The following TMEM132D variants were observed in gnomAD, a reference collection of about 807,000 sequenced individuals.
TMEM132D encodes the protein transmembrane protein 132D.
A neutral mutation model predicts 62.3 loss-of-function variants in TMEM132D; 21 were observed. The ratio of observed to expected loss-of-function variants is 0.34; its 90% confidence interval spans 0.24 to 0.49. The LOEUF is 0.49. Among genes scored for constraint, TMEM132D ranks in the 20% least tolerant of loss-of-function variants. The pLI, the probability that TMEM132D is intolerant of heterozygous loss-of-function variation, is 0.99. For synonymous variants in TMEM132D, 621 were observed against 575.6 expected (o/e 1.08, Z -1.13); for missense variants, 1,346 against 1,402.8 (o/e 0.96, Z 0.65).
In TMEM132D at chr12:129,074,324, G is replaced by T. The variant is rs1204676224; in HGVS notation, c.2851C>A (p.Pro951Thr). Reference protein sequence around the residue: ...FALKYRHKQVPFEEQEGMSHS... With the variant: ...FALKYRHKQVTFEEQEGMSHS... ...CTCATCCCTTCCTGCTCCTCGAAGGGAACCTGTTTGTGTCTGTATTTTAAT... is the reference window on the plus strand; with the variant it reads ...CTCATCCCTTCCTGCTCCTCGAAGGTAACCTGTTTGTGTCTGTATTTTAAT... Residue 951 changes from proline to threonine, a missense_variant, in exon 9 of 9, where the codon CCC becomes ACC. Pro to Thr is a conservative substitution (Grantham distance 38, BLOSUM62 -1). Coordinates refer to ENST00000422113, the MANE Select transcript of TMEM132D (RefSeq NM_133448.3). 6.2e-7 allele frequency: 1 copy of T among 1,614,046 alleles called. No individual in the cohort carries two copies. Among genetic ancestry groups the T allele is most frequent in the Non-Finnish European group, 8.5e-7 (1 of 1,180,030 alleles).
chr12:129,384,243 T>C (rs1871040303), intron 3 of TMEM132D, among the ~76,000 whole-genome samples: 1 of 152,144 alleles, frequency 6.6e-6, no homozygotes, highest in South Asian at 2.1e-4. Context: ...TATTGAAACT[T>C]TAACAGTGAC....
chr12:129,155,352 C>A (rs1314020357), intron 5 of TMEM132D, among the ~76,000 whole-genome samples: 2 of 152,206 alleles, frequency 1.3e-5, no homozygotes, highest in African/African-American at 4.8e-5. Flanking sequence ...TTACCTTTAA[C>A]CACAATGTTA....
intron 1 of TMEM132D, among the ~76,000 whole-genome samples, chr12:129,893,361 G>T (rs1416273757): frequency 1.3e-5 from 2 of 152,102 alleles, no homozygotes; most frequent in African/African-American, 4.8e-5. Context: ...TAAAAATCAG[G>T]ATTATGATTT....
At chr12:129,499,734 G>A (rs900279617) in intron 3 of TMEM132D, among the ~76,000 whole-genome samples, 1 of 152,190 alleles carries the variant, frequency 6.6e-6, no homozygotes, top group Non-Finnish European at 1.5e-5. Context: ...GGGTCTTTAG[G>A]TTAAATATGA....
chr12:129,585,691 T>C (rs189366151), intron 2 of TMEM132D, among the ~76,000 whole-genome samples: 3 of 152,260 alleles, frequency 2.0e-5, no homozygotes, highest in Admixed American at 2.0e-4. Context: ...TCAAAGGGAT[T>C]TCAAATTGGC....
intron 5 of TMEM132D, among the ~76,000 whole-genome samples, chr12:129,121,127 G>T (rs1050477245): frequency 6.6e-6 from 1 of 151,656 alleles, no homozygotes; most frequent in Non-Finnish European, 1.5e-5. Flanking sequence ...GCAGAGTCTT[G>T]GTCTGTGGCC....
intron 2 of TMEM132D, among the ~76,000 whole-genome samples, chr12:129,655,771 C>T (rs971587973): frequency 6.6e-6 from 1 of 152,182 alleles, no homozygotes; most frequent in African/African-American, 2.4e-5. Context: ...ATAGCATCAT[C>T]TTAAAAGAGC....
chr12:129,083,851 G>A (rs534625018), intron 6 of TMEM132D, among the ~76,000 whole-genome samples: 2 of 152,312 alleles, frequency 1.3e-5, no homozygotes, highest in East Asian at 3.9e-4. Flanking sequence ...GTACTCATGT[G>A]GTTGCCTGAC....
At position 129,120,746 on chromosome 12, in the gene TMEM132D, A is replaced by T. The variant is rs576123246; in HGVS notation, c.1444-36044T>A. Among the ~76,000 whole-genome samples the T allele has an allele frequency of 2.6e-5, 4 of 152,318 alleles. No homozygotes were observed. The East Asian group carries it at 7.7e-4, about 29-fold the overall frequency. ...CATGATTGTTACATAAATTGTCAAC[A>T]TTAGGAAGATTGAGGTGAAAGGTAC... On this transcript the variant is annotated intron_variant, in intron 5 of 8. Transcript: ENST00000422113.
chr12:129,304,820 T>C (rs1354384495), intron 4 of TMEM132D, among the ~76,000 whole-genome samples: 2 of 152,080 alleles, frequency 1.3e-5, no homozygotes, highest in Non-Finnish European at 2.9e-5. Flanking sequence ...TGCGCCACTA[T>C]GCCCAGCTAA....
chr12:129,633,470 G>A (rs530586111), intron 2 of TMEM132D, among the ~76,000 whole-genome samples: 2 of 152,260 alleles, frequency 1.3e-5, no homozygotes, highest in Admixed American at 6.5e-5. Context: ...AAATTCCCCA[G>A]GAAATTGAGC....
At chr12:129,829,344 C>T (rs1414067286) in intron 1 of TMEM132D, among the ~76,000 whole-genome samples, 1 of 152,152 alleles carries the variant, frequency 6.6e-6, no homozygotes, top group Non-Finnish European at 1.5e-5. Context: ...CTTCCTCTTC[C>T]TCTTCCCGGG....
chr12:129,289,748 C>T (rs981558276), intron 4 of TMEM132D, among the ~76,000 whole-genome samples: 1 of 152,134 alleles, frequency 6.6e-6, no homozygotes, highest in African/African-American at 2.4e-5. Context: ...GGTCTAGCAC[C>T]TTCCTGCAGT....
chr12:129,159,415 C>T (rs1238262311), intron 5 of TMEM132D, among the ~76,000 whole-genome samples: 2 of 151,972 alleles, frequency 1.3e-5, no homozygotes, highest in Non-Finnish European at 2.9e-5. Context: ...ATGTTCATAA[C>T]TGGGGAAGAA....
intron 1 of TMEM132D, among the ~76,000 whole-genome samples, chr12:129,785,342 G>C (rs2137294047): frequency 6.6e-6 from 1 of 152,164 alleles, no homozygotes; most frequent in African/African-American, 2.4e-5. Flanking sequence ...CCACTAACTG[G>C]GTTTGATGTT....
At chr12:129,519,127 A>G (rs1875771863) in intron 3 of TMEM132D, among the ~76,000 whole-genome samples, 1 of 152,108 alleles carries the variant, frequency 6.6e-6, no homozygotes, top group Non-Finnish European at 1.5e-5. Flanking sequence ...CCTTTTAAGG[A>G]AGGGGTTATT....
At chr12:129,727,279 T>C (rs184681409) in intron 1 of TMEM132D, among the ~76,000 whole-genome samples, 229 of 152,310 alleles carry the variant, frequency 1.5e-3, no homozygotes, top group Middle Eastern at 3.4e-3. Flanking sequence ...GGCACTGGCA[T>C]CCTGCCAGGA....
chr12:129,073,888 T>C lies in TMEM132D; in HGVS notation c.3287A>G (p.His1096Arg), dbSNP rs776455207. The C allele has an allele frequency of 7.8e-6, 12 of 1,538,226 alleles. No homozygotes were observed. The highest frequency in any genetic ancestry group is 2.6e-5 in the South Asian group (2 of 78,116). The part of the protein sequence containing the change: ...KELHNYMERL[H>R]ENV ...TGTGTGTCTGGCTTACACATTTTCA[T>C]GTAACCTCTCCATGTAGTTGTGCAG... The change falls in exon 9 of 9, where the codon CAT (histidine) becomes CGT (arginine). Residue 1096 changes from histidine (H) to arginine (R), a missense_variant. Coordinates refer to ENST00000422113, the MANE Select transcript of TMEM132D (RefSeq NM_133448.3).
chr12:129,573,933 G>C lies in TMEM132D; in HGVS notation c.969-42728C>G, dbSNP rs564597482. On this transcript the variant is annotated intron_variant, in intron 2 of 8. Transcript: ENST00000422113. Reference sequence around the variant, plus strand: ...AAAAAAAAGAGCAATAATTTCCTCTGGTTACCTAAGGATGGGAACTGATGA... The same window carrying C: ...AAAAAAAAGAGCAATAATTTCCTCTCGTTACCTAAGGATGGGAACTGATGA... Among the ~76,000 whole-genome samples the C allele has an allele frequency of 2.6e-5, 4 of 151,958 alleles. No homozygotes were observed. The East Asian group carries it at 7.7e-4, about 29-fold the overall frequency.
Sources: gnomAD v4.1 joint callset for allele counts (sites outside exome capture counted in the v4.1 genomes callset) on GRCh38, gnomAD v4.1.1 for gene constraint, MANE v1.5 for transcripts, NCBI Gene and HGNC (gene_info 2026-07-23, HGNC 2026-07-21) for gene names.